Variants in CYSRT1 observed in about 807,000 individuals in gnomAD.
CYSRT1 encodes cysteine-rich tail protein 1.
A neutral mutation model predicts 6.2 loss-of-function variants in CYSRT1; 7 were observed. The ratio of observed to expected loss-of-function variants is 1.13; its 90% CI spans 0.64 to 2.13. CYSRT1 has a LOEUF of 2.13. CYSRT1 is among the 30% of genes most tolerant of loss of function. The pLI is 0.00. For missense variants in CYSRT1, 188 were observed against 196.4 expected (o/e 0.96, Z 0.26); for synonymous variants, 75 against 83.1 (o/e 0.90, Z 0.53).
In CYSRT1 at chr9:137,225,222, TTGC is replaced by T; in HGVS notation, c.-19_-17del. 6.5e-7 allele frequency: 1 copy of T among 1,550,204 alleles called. No homozygotes were observed. Among genetic ancestry groups the T allele is most frequent in the Non-Finnish European group, 8.7e-7 (1 of 1,146,740 alleles). ...AAGACCGAGAGGACAGACTGCCGTG[TTGC>T]CACCACAGGTAAGCCCTTGGCCGCC... On this transcript the variant is annotated 5_prime_UTR_variant, in exon 1 of 2. Coordinates refer to ENST00000650725, the MANE Select transcript of CYSRT1 (RefSeq NM_199001.5).
chr9:137,225,203 G>T lies in CYSRT1; in HGVS notation c.-39G>T. 6.4e-7 allele frequency: 1 copy of T among 1,550,406 alleles called. No homozygotes were observed. The highest frequency in any genetic ancestry group is 1.2e-5 in the South Asian group (1 of 84,068). On this transcript the variant is annotated 5_prime_UTR_variant, in exon 1 of 2. Coordinates refer to ENST00000650725, the MANE Select transcript of CYSRT1 (RefSeq NM_199001.5). ...ACTGGGACCTAGAGCTCAGAAGACC[G>T]AGAGGACAGACTGCCGTGTTGCCAC...
Position 137,226,298 on chromosome 9 carries a change from T to C in CYSRT1, c.*242T>C, listed in dbSNP as rs1207112334. 5.8e-6 allele frequency: 4 copies of C among 683,778 alleles called. No homozygotes were observed. Among genetic ancestry groups the C allele is most frequent in the Non-Finnish European group, 9.6e-6 (4 of 416,488 alleles). The allele number at this position is 683,778 out of a possible 1,614,324, so 42.4% of individuals were successfully genotyped here. On this transcript the variant is annotated 3_prime_UTR_variant, in exon 2 of 2. Coordinates refer to ENST00000650725, the MANE Select transcript of CYSRT1 (RefSeq NM_199001.5). ...TTAAGGCCCAGGCAATAAAGCAGGG[T>C]GATCTTCCTCCCAGCAATTCTTCTT...
At position 137,225,951 on chromosome 9, in the gene CYSRT1, CG is replaced by C; in HGVS notation, c.334del (p.Asp112MetfsTer104). 1 of 1,548,224 alleles carries C rather than the reference CG, an allele frequency of 6.5e-7. No individual in the cohort carries two copies. The part of the protein sequence containing the change: ...TYAGPPPAGR[G>X]DDIAHHCCCC... ...ACGCTGGCCCTCCGCCCGCGGGGCGCGGGGATGACATCGCCCACCACTGCTG... is the reference window on the plus strand; with the variant it reads ...ACGCTGGCCCTCCGCCCGCGGGGCGCGGGATGACATCGCCCACCACTGCTG... On this transcript the variant is annotated frameshift_variant, in exon 2 of 2. Transcript: ENST00000650725. LOFTEE classifies it high-confidence loss of function.
intron 1 of CYSRT1, among the ~76,000 whole-genome samples, 159 bp from the exon 2 acceptor site, chr9:137,225,455 C>T (rs1835949703): frequency 1.3e-5 from 2 of 152,258 alleles, no homozygotes; most frequent in Non-Finnish European, 2.9e-5. Flanking sequence ...GCCTTGCACA[C>T]ACATTTGGAG....
intron 1 of CYSRT1, 123 bp from the exon 2 acceptor site, chr9:137,225,491 T>C (rs938892057): frequency 9.7e-6 from 14 of 1,447,610 alleles, no homozygotes; most frequent in Non-Finnish European, 1.3e-5. Flanking sequence ...CACTGATGCC[T>C]TGGGGATGCT....
Position 137,225,959 on chromosome 9 carries a change from A to G in CYSRT1, c.338A>G (p.Asp113Gly), listed in dbSNP as rs1213457064. The change falls in exon 2 of 2, where the codon GAC (aspartate) becomes GGC (glycine). Residue 113 changes from aspartate to glycine, a missense_variant. Coordinates refer to ENST00000650725, the MANE Select transcript of CYSRT1 (RefSeq NM_199001.5). ...CCTCCGCCCGCGGGGCGCGGGGATG[A>G]CATCGCCCACCACTGCTGCTGCTGC... Reference protein sequence around the residue: ...AGPPPAGRGDDIAHHCCCCPC... With the variant: ...AGPPPAGRGDGIAHHCCCCPC... The G allele has an allele frequency of 4.5e-6, 7 of 1,548,756 alleles. No homozygotes were observed. In the East Asian group the frequency reaches 7.3e-5, roughly 16 times the overall value.
Position 137,226,054 on chromosome 9 carries a change from T to C in CYSRT1, c.433T>C (p.Ter145GlnextTer57). ...CHSCCCCVIS* is the reference protein window; with the variant it reads ...CHSCCCCVISQ ...CAGCTGCTGCTGCTGTGTCATCTCC[T>C]AGCCCAGCCCACCCTGCCAGGGCCA... Residue 145 changes from the stop codon to glutamine (Q), a stop_lost, in exon 2 of 2, where the codon TAG becomes CAG. Coordinates refer to ENST00000650725, the MANE Select transcript of CYSRT1 (RefSeq NM_199001.5). 1 of 1,546,716 alleles carries C rather than the reference T, an allele frequency of 6.5e-7. No individual in the cohort carries two copies. Among genetic ancestry groups the C allele is most frequent in the South Asian group, 1.2e-5 (1 of 83,898 alleles).
chr9:137,225,657 T>G lies in CYSRT1; in HGVS notation c.36T>G (p.Tyr12Ter). The G allele has an allele frequency of 6.4e-7, 1 of 1,550,442 alleles. No individual in the cohort carries two copies. The highest frequency in any genetic ancestry group is 8.7e-7 in the Non-Finnish European group (1 of 1,146,968). Residue 12 changes from tyrosine to a stop codon, truncating the protein, a stop_gained, in exon 2 of 2, where the codon TAT becomes TAG. Transcript: ENST00000650725. LOFTEE classifies it low-confidence loss of function (END_TRUNC). The part of the protein sequence containing the change: ...DPQEMVVKNP[Y>*]AHISIPRAHL... The stretch of plus-strand genomic sequence containing the variant: ...AAGAGATGGTCGTCAAGAACCCATA[T>G]GCCCACATCAGCATCCCCCGGGCTC...
In CYSRT1 at chr9:137,225,800, C is replaced by T. The variant is rs955867056; in HGVS notation, c.179C>T (p.Pro60Leu). The T allele has an allele frequency of 5.8e-6, 9 of 1,549,562 alleles. No homozygotes were observed. The South Asian group carries it at 9.5e-5, about 16-fold the overall frequency. Residue 60 changes from proline to leucine, a missense_variant, in exon 2 of 2, where the codon CCG becomes CTG. Pro to Leu is a moderately conservative substitution (Grantham distance 98). Transcript: ENST00000650725. ...CAPEPTHLLQ[P>L]TEVPGPKGAK... is the part of the protein sequence containing the mutation. ...CCAGAGCCAACCCACCTCTTGCAGC[C>T]GACCGAGGTCCCAGGGCCCAAGGGC...
rs1835967393 is a variant in CYSRT1 at position 137,226,019 on chromosome 9, G to A, written c.398G>A (p.Cys133Tyr). The change falls in exon 2 of 2, where the codon TGC becomes TAC. Residue 133 changes from cysteine to tyrosine, a missense_variant. Cys to Tyr is a radical substitution (Grantham distance 194). Transcript: ENST00000650725. ...CCHCCHCPPF[C>Y]RCHSCCCCVI... ...CACTGCTGCCACTGCCCCCCCTTCT[G>A]CCGCTGCCACAGCTGCTGCTGCTGT... is the stretch of plus-strand genomic sequence containing the variant. 1.3e-6 allele frequency: 2 copies of A among 1,549,058 alleles called. No individual in the cohort carries two copies. Among genetic ancestry groups the A allele is most frequent in the Non-Finnish European group, 1.7e-6 (2 of 1,146,810 alleles).
chr9:137,225,775 C>A lies in CYSRT1; in HGVS notation c.154C>A (p.Pro52Thr). The A allele has an allele frequency of 2.6e-6, 4 of 1,549,998 alleles. No homozygotes were observed. The highest frequency in any genetic ancestry group is 3.5e-6 in the Non-Finnish European group (4 of 1,146,872). The change falls in exon 2 of 2, where the codon CCA becomes ACA. Residue 52 changes from proline to threonine, a missense_variant. Pro to Thr is a conservative substitution (Grantham distance 38). Coordinates refer to ENST00000650725, the MANE Select transcript of CYSRT1 (RefSeq NM_199001.5). Reference protein sequence around the residue: ...MQPLPVGPCAPEPTHLLQPTE... With the variant: ...MQPLPVGPCATEPTHLLQPTE... ...GCCCCTGCCAGTGGGGCCCTGTGCC[C>A]CAGAGCCAACCCACCTCTTGCAGCC... is the stretch of plus-strand genomic sequence containing the variant.
Position 137,226,285 on chromosome 9 carries a change from C to A in CYSRT1, c.*229C>A. ...ACCCCTGATTACCTTAAGGCCCAGG[C>A]AATAAAGCAGGGTGATCTTCCTCCC... On this transcript the variant is annotated 3_prime_UTR_variant, in exon 2 of 2. Coordinates refer to ENST00000650725, the MANE Select transcript of CYSRT1 (RefSeq NM_199001.5). 1 of 743,660 alleles carries A rather than the reference C, an allele frequency of 1.3e-6. No individual in the cohort carries two copies. The highest frequency in any genetic ancestry group is 2.1e-6 in the Non-Finnish European group (1 of 468,106). 46.1% of individuals were successfully genotyped at this position (743,660 alleles called of 1,614,324 possible).
In CYSRT1 at chr9:137,225,606, C is replaced by CCCTGCCCATGGT. The variant is rs1249672811; in HGVS notation, c.-8-3_-8-2insCCATGGTCCTGC. ...GTTCATGTCTGTCTTCTCTGCCCACCCCTGCAGGCTGGACCATGGACCCCC... is the reference window on the plus strand; with the variant it reads ...GTTCATGTCTGTCTTCTCTGCCCACCCCTGCCCATGGTCCTGCAGGCTGGACCATGGACCCCC... On this transcript the variant is annotated splice_region_variant and splice_polypyrimidine_tract_variant and intron_variant, in intron 1 of 1. Coordinates refer to ENST00000650725, the MANE Select transcript of CYSRT1 (RefSeq NM_199001.5). The CCCTGCCCATGGT allele has an allele frequency of 5.2e-6, 8 of 1,548,170 alleles. No individual in the cohort carries two copies. Among genetic ancestry groups the CCCTGCCCATGGT allele is most frequent in the Non-Finnish European group, 7.0e-6 (8 of 1,145,764 alleles).
chr9:137,225,273 C>A, intron 1 of CYSRT1, 40 bp downstream of exon 1: 1 of 1,452,872 alleles, frequency 6.9e-7, no homozygotes, highest in Non-Finnish European at 9.4e-7. Flanking sequence ...AACTCAGGGG[C>A]ACTGCAGGGT....
intron 1 of CYSRT1, 61 bp from the exon 2 acceptor site, chr9:137,225,553 C>T: frequency 6.7e-7 from 1 of 1,482,464 alleles, no homozygotes; most frequent in Non-Finnish European, 9.0e-7. Context: ...GGGCCGCAGG[C>T]TCGTGGGCAG....
rs1835974273 is a variant in CYSRT1 at position 137,226,238 on chromosome 9, C to T, written c.*182C>T. 8.4e-6 allele frequency: 10 copies of T among 1,192,694 alleles called. No homozygotes were observed. In the South Asian group the frequency reaches 1.6e-4, roughly 19 times the overall value. The allele number at this position is 1,192,694 out of a possible 1,614,324, so 73.9% of individuals were successfully genotyped here. ...AGCCCGAGCTCCTGAAACGGAATCC[C>T]AGGTCCTGGCTGGAGAGGGACACCC... On this transcript the variant is annotated 3_prime_UTR_variant, in exon 2 of 2. Transcript: ENST00000650725.
At chr9:137,225,511 C>A in intron 1 of CYSRT1, 103 bp from the exon 2 acceptor site, 1 of 1,453,224 alleles carries the variant, frequency 6.9e-7, no homozygotes, top group Non-Finnish European at 9.1e-7. Flanking sequence ...TGAGCTTGGA[C>A]GAGGCACGCT....
chr9:137,225,986 CCTGCTGCCA>C lies in CYSRT1; in HGVS notation c.379_387del (p.Cys127_Cys129del), dbSNP rs750331604. The C allele has an allele frequency of 1.8e-4, 278 of 1,549,256 alleles. 1 individual carries two copies. Among genetic ancestry groups the C allele is most frequent in the Middle Eastern group, 5.5e-4 (3 of 5,486 alleles). ...ATCGCCCACCACTGCTGCTGCTGCC[CCTGCTGCCA>C]CTGCTGCCACTGCCCCCCCTTCTGC... is the stretch of plus-strand genomic sequence containing the variant. On this transcript the variant is annotated inframe_deletion, in exon 2 of 2. Transcript: ENST00000650725.
chr9:137,225,476 C>G, intron 1 of CYSRT1, 138 bp from the exon 2 acceptor site: 1 of 1,439,426 alleles, frequency 6.9e-7, no homozygotes, highest in Non-Finnish European at 9.1e-7. Context: ...GTGATGGCAC[C>G]CCGGCACTGA....
Sources: gnomAD v4.1 joint callset for allele counts (sites outside exome capture counted in the v4.1 genomes callset) on GRCh38, gnomAD v4.1.1 for gene constraint, MANE v1.5 for transcripts, NCBI Gene and HGNC (gene_info 2026-07-23, HGNC 2026-07-21) for gene names.